KMT5B: variants seen among roughly 807,000 people sequenced by gnomAD.
KMT5B encodes the protein histone-lysine N-methyltransferase KMT5B.
A neutral mutation model predicts 83.2 loss-of-function variants in KMT5B; 10 were observed. The observed-to-expected ratio is 0.12, with a 90% CI of 0.07 to 0.20. The LOEUF is 0.20. KMT5B is among the 10% of genes least tolerant of loss of function. The probability of loss-of-function intolerance (pLI) is 1.00; values close to 1 mark genes in which losing one functional copy is unlikely to be tolerated. For missense variants in KMT5B, 753 were observed against 1,067.2 expected (o/e 0.71, Z 4.10); for synonymous variants, 349 against 388.8 (o/e 0.90, Z 1.20).
chr11:68,190,944 G>A (rs1410341773), intron 1 of KMT5B, among the ~76,000 whole-genome samples: 1 of 152,202 alleles, frequency 6.6e-6, no homozygotes, highest in Admixed American at 6.5e-5. Flanking sequence ...CAGCCTGGGT[G>A]ACAGAGCAAC....
At chr11:68,189,767 A>C (rs189411164) in intron 2 of KMT5B, 150 bp downstream of exon 2, 1 of 640,266 alleles carries the variant, frequency 1.6e-6, no homozygotes, top group East Asian at 3.0e-5. Context: ...AAAAATTGAC[A>C]CAACTTTGAG....
chr11:68,165,786 C>A (rs967173482), intron 10 of KMT5B: 2 of 1,535,706 alleles, frequency 1.3e-6, no homozygotes, highest in South Asian at 1.3e-5. Flanking sequence ...TCTTGTTGTT[C>A]ACTCTGGACA....
intron 10 of KMT5B, 31 bp from the exon 11 acceptor site, chr11:68,159,202 C>T: frequency 6.6e-7 from 1 of 1,523,606 alleles, no homozygotes; most frequent in South Asian, 1.3e-5. Flanking sequence ...AGGTGAAAAG[C>T]CTTGGTAACA....
intron 3 of KMT5B, among the ~76,000 whole-genome samples, chr11:68,181,578 G>GCACCCCAAAGAGAGAGAAGTCCATAAACT (rs1235791494): frequency 2.0e-5 from 3 of 152,138 alleles, no homozygotes; most frequent in Non-Finnish European, 4.4e-5. Context: ...CACTTCTTTT[G>GCACCCCAAAGAGAGAGAAGTCCATAAACT]CACCCCAAAG....
intron 4 of KMT5B, among the ~76,000 whole-genome samples, chr11:68,178,545 T>C (rs1478702435): frequency 6.6e-6 from 1 of 152,184 alleles, no homozygotes; most frequent in Non-Finnish European, 1.5e-5. Flanking sequence ...TAAGTTGCTG[T>C]CCCAAACCTG....
At position 68,158,639 on chromosome 11, in the gene KMT5B, C is replaced by T. The variant is rs562653357; in HGVS notation, c.1707G>A (p.Thr569=). ...GTTCACCACTGTCGGGGCAAGGTTC[C>T]GTCACACTGCTTTTATAGCCATTCA... The part of the protein sequence containing the change: ...NTLNGYKSSV[T]EPCPDSGEQL... The change falls in exon 11 of 11, where the codon ACG becomes ACA. Residue 569 remains threonine, a synonymous_variant. Coordinates refer to ENST00000304363, the MANE Select transcript of KMT5B (RefSeq NM_017635.5). 3.0e-5 allele frequency: 49 copies of T among 1,614,154 alleles called. 1 individual carries two copies. Among genetic ancestry groups the T allele is most frequent in the South Asian group, 2.0e-4 (18 of 91,086 alleles).
chr11:68,183,665 CTT>C (rs373952720), intron 3 of KMT5B, among the ~76,000 whole-genome samples: 21 of 126,486 alleles, frequency 1.7e-4, no homozygotes, highest in Admixed American at 2.5e-4. Flanking sequence ...AGTCCTGTAT[CTT>C]TTTTTTTTTT....
Position 68,171,192 on chromosome 11 carries a change from C to T in KMT5B, c.840+40G>A, listed in dbSNP as rs1034995018. On this transcript the variant is annotated intron_variant, in intron 8 of 10. Coordinates refer to ENST00000304363, the MANE Select transcript of KMT5B (RefSeq NM_017635.5). The surrounding 1 kb of genome is among the most constrained non-coding windows in gnomAD (Gnocchi z 5.1). ...CTCAGTAAGAAACTCACACCTGAAG[C>T]AAAAACAAAATACTTGAAGAAAATT... 1.2e-6 allele frequency: 2 copies of T among 1,604,072 alleles called. No individual in the cohort carries two copies. The highest frequency in any genetic ancestry group is 2.7e-5 in the African/African-American group (2 of 74,006).
At position 68,159,143 on chromosome 11, in the gene KMT5B, T is replaced by C. The variant is rs752028504; in HGVS notation, c.1203A>G (p.Val401=). 3 of 1,575,618 alleles carry C rather than the reference T, an allele frequency of 1.9e-6. No homozygotes were observed. The highest frequency in any genetic ancestry group is 4.1e-5 in the Admixed American group (2 of 48,702). Residue 401 remains valine, a synonymous_variant, in exon 11 of 11, where the codon GTA becomes GTG. Transcript: ENST00000304363. ...ATSNRKSSVG[V]KKNSKSRTLT... The stretch of plus-strand genomic sequence containing the variant: ...ACGTTCTGCTCTTGCTATTCTTTTT[T>C]ACGCCAACTGAAGATTTTCGGTTAG...
chr11:68,158,076 A>C lies in KMT5B; in HGVS notation c.2270T>G (p.Leu757Arg). ...TCCATTATTAAGCTTTGCTACATAG[A>C]GATTGTTATCGTTGTCATGGTCTTT... is the stretch of plus-strand genomic sequence containing the variant. ...LSKDHDNDNN[L>R]YVAKLNNGFN... Residue 757 changes from leucine (L) to arginine (R), a missense_variant, in exon 11 of 11, where the codon CTC (leucine) becomes CGC (arginine). Leu to Arg is a moderately radical substitution (Grantham distance 102). This residue lies in a region of KMT5B where 161 missense variants were observed against 195.1 expected (regional missense o/e 0.83). Transcript: ENST00000304363. The C allele has an allele frequency of 6.2e-7, 1 of 1,614,178 alleles. No individual in the cohort carries two copies. Among genetic ancestry groups the C allele is most frequent in the Non-Finnish European group, 8.5e-7 (1 of 1,180,030 alleles).
chr11:68,174,024 G>C (rs1856098581), intron 5 of KMT5B, 111 bp from the exon 6 acceptor site: 3 of 771,918 alleles, frequency 3.9e-6, no homozygotes, highest in African/African-American at 1.7e-5. Context: ...GTAAGATCTA[G>C]CCTGAGCAAC....
Position 68,157,834 on chromosome 11 carries a change from C to G in KMT5B, c.2512G>C (p.Glu838Gln), listed in dbSNP as rs763967281. The change falls in exon 11 of 11, where the codon GAG becomes CAG. Residue 838 changes from glutamate to glutamine, a missense_variant. Physicochemically the swap from Glu to Gln is conservative, Grantham distance 29. This residue lies in a region of KMT5B where 161 missense variants were observed against 195.1 expected (regional missense o/e 0.83). Coordinates refer to ENST00000304363, the MANE Select transcript of KMT5B (RefSeq NM_017635.5). ...DSSSSEGDEE[E>Q]DDYDDDFEDD... The stretch of plus-strand genomic sequence containing the variant: ...TCAAAGTCATCATCATAGTCATCCT[C>G]CTCTTCATCGCCCTCAGAAGAGGAG... The G allele has an allele frequency of 1.4e-5, 23 of 1,614,070 alleles. No individual in the cohort carries two copies. Among genetic ancestry groups the G allele is most frequent in the Non-Finnish European group, 1.9e-5 (23 of 1,180,044 alleles).
chr11:68,207,849 T>C (rs1860347709), intron 1 of KMT5B, among the ~76,000 whole-genome samples: 1 of 151,312 alleles, frequency 6.6e-6, no homozygotes, highest in Non-Finnish European at 1.5e-5. Context: ...AACAAATTTT[T>C]TATTTTTTTA....
At chr11:68,191,845 G>A (rs1022329653) in intron 1 of KMT5B, among the ~76,000 whole-genome samples, 36 of 152,134 alleles carry the variant, frequency 2.4e-4, no homozygotes, top group African/African-American at 8.5e-4. Flanking sequence ...CTAGGTCTAC[G>A]CAATTACTCA....
At chr11:68,164,394 GGGA>G (rs1156773075) in intron 10 of KMT5B, among the ~76,000 whole-genome samples, 4 of 152,196 alleles carry the variant, frequency 2.6e-5, no homozygotes, top group Non-Finnish European at 5.9e-5. Flanking sequence ...CCACCACCCT[GGGA>G]GGAGGGACTG....
At chr11:68,196,134 G>A (rs1858678003) in intron 1 of KMT5B, among the ~76,000 whole-genome samples, 1 of 152,186 alleles carries the variant, frequency 6.6e-6, no homozygotes, top group Non-Finnish European at 1.5e-5. Context: ...TCCAGCCTGA[G>A]TGACAGAGCA....
At chr11:68,203,288 A>G (rs1859687406) in intron 1 of KMT5B, among the ~76,000 whole-genome samples, 1 of 152,210 alleles carries the variant, frequency 6.6e-6, no homozygotes, top group South Asian at 2.1e-4. Context: ...ACACTTTCAT[A>G]TCATTAGAAT....
intron 1 of KMT5B, among the ~76,000 whole-genome samples, chr11:68,192,369 G>A (rs1299115227): frequency 6.6e-6 from 1 of 152,144 alleles, no homozygotes; most frequent in Non-Finnish European, 1.5e-5. Context: ...GGAATACAGT[G>A]CCCCCAGACT....
intron 1 of KMT5B, among the ~76,000 whole-genome samples, chr11:68,197,763 T>C (rs929960604): frequency 6.6e-6 from 1 of 152,212 alleles, no homozygotes; most frequent in Non-Finnish European, 1.5e-5. Flanking sequence ...TAAATTTCAC[T>C]AGTATGAATG....
Sources: gnomAD v4.1 joint callset for allele counts (sites outside exome capture counted in the v4.1 genomes callset) on GRCh38, gnomAD v4.1.1 for gene constraint, gnomAD v4.1.1 regional missense constraint, Gnocchi (gnomAD v3.1) non-coding constraint, MANE v1.5 for transcripts, NCBI Gene and HGNC (gene_info 2026-07-23, HGNC 2026-07-21) for gene names.